Variants in PARD3B observed in about 807,000 individuals in gnomAD.
PARD3B encodes par-3 family cell polarity regulator beta.
Under a neutral mutation model 130.2 loss-of-function variants are expected in PARD3B, and 103 were observed. The ratio of observed to expected loss-of-function variants is 0.79; its 90% confidence interval spans 0.67 to 0.93. PARD3B has a LOEUF of 0.93. PARD3B is among the 40% of genes least tolerant of loss of function. The pLI is 0.00. For synonymous variants in PARD3B, 583 were observed against 553.2 expected (o/e 1.05, Z -0.76); for missense variants, 1,609 against 1,499.2 (o/e 1.07, Z -1.21).
chr2:204,938,271 C>T (rs1057496875), intron 2 of PARD3B, among the ~76,000 whole-genome samples: 1 of 152,236 alleles, frequency 6.6e-6, no homozygotes, highest in Non-Finnish European at 1.5e-5. Context: ...CTGTGGGCCA[C>T]TGAGTTCTGG....
chr2:204,736,023 C>T (rs1233894848), intron 2 of PARD3B, among the ~76,000 whole-genome samples: 8 of 152,142 alleles, frequency 5.3e-5, no homozygotes, highest in South Asian at 2.1e-4. Flanking sequence ...AGTTTACCCC[C>T]GGAAACTCTT....
At chr2:204,859,850 A>G (rs1444296220) in intron 2 of PARD3B, among the ~76,000 whole-genome samples, 1 of 152,176 alleles carries the variant, frequency 6.6e-6, no homozygotes, top group Non-Finnish European at 1.5e-5. Context: ...TAGGGAGGAT[A>G]TTAATGGAAC....
intron 1 of PARD3B, among the ~76,000 whole-genome samples, chr2:204,567,911 G>A (rs899156905): frequency 1.3e-5 from 2 of 152,118 alleles, no homozygotes; most frequent in Non-Finnish European, 2.9e-5. Flanking sequence ...GGTGTGAAGT[G>A]TCTAATCTCT....
chr2:205,044,441 A>G (rs372632387), intron 3 of PARD3B, among the ~76,000 whole-genome samples: 2 of 148,310 alleles, frequency 1.3e-5, no homozygotes, highest in Non-Finnish European at 3.0e-5. Flanking sequence ...AAGTGTTCCT[A>G]TTTCTCCACA....
intron 2 of PARD3B, among the ~76,000 whole-genome samples, chr2:204,772,768 C>T (rs1482643054): frequency 6.6e-6 from 1 of 151,998 alleles, no homozygotes; most frequent in East Asian, 1.9e-4. Flanking sequence ...TGAAATGCAA[C>T]AAATGGAAAA....
At chr2:204,764,673 C>A (rs910446415) in intron 2 of PARD3B, among the ~76,000 whole-genome samples, 5 of 151,032 alleles carry the variant, frequency 3.3e-5, no homozygotes, top group African/African-American at 9.8e-5. Context: ...TTAATCTGGG[C>A]AAGTTGGCTA....
intron 2 of PARD3B, among the ~76,000 whole-genome samples, chr2:204,719,746 A>G (rs1035431030): frequency 4.6e-5 from 7 of 152,002 alleles, no homozygotes; most frequent in African/African-American, 1.7e-4. Context: ...TTTCATCATG[A>G]TATGTAAATT....
Position 205,007,038 on chromosome 2 carries a change from G to A in PARD3B, c.395-40543G>A, listed in dbSNP as rs531520470. Reference sequence around the variant, plus strand: ...GAATTCTAATCCCCATAATCCCCACGTGTTGAGGGTGGGACCTGGTGATTG... The same window carrying A: ...GAATTCTAATCCCCATAATCCCCACATGTTGAGGGTGGGACCTGGTGATTG... On this transcript the variant is annotated intron_variant, in intron 3 of 22. Transcript: ENST00000406610. 1.3e-3 allele frequency among the ~76,000 whole-genome samples: 197 copies of A among 152,184 alleles called. 1 individual carries two copies. Among genetic ancestry groups the A allele is most frequent in the African/African-American group, 4.3e-3 (180 of 41,520 alleles).
chr2:205,170,188 C>A lies in PARD3B; in HGVS notation c.1621-2023C>A, dbSNP rs530271577. ...CAGGGGATCCGCCCACCTCGGCCTC[C>A]CAGAGTGCTGGGGTTACAGGTGTGA... On this transcript the variant is annotated intron_variant, in intron 11 of 22. Coordinates refer to ENST00000406610, the MANE Select transcript of PARD3B (RefSeq NM_001302769.2). 1.4e-4 allele frequency among the ~76,000 whole-genome samples: 21 copies of A among 152,306 alleles called. No individual in the cohort carries two copies. In the South Asian group the frequency reaches 4.4e-3, roughly 32 times the overall value.
chr2:204,927,290 G>A (rs1034236697), intron 2 of PARD3B, among the ~76,000 whole-genome samples: 1 of 152,042 alleles, frequency 6.6e-6, no homozygotes, highest in Non-Finnish European at 1.5e-5. Flanking sequence ...TAAGTCATGA[G>A]GGCAAAGCCC....
intron 2 of PARD3B, among the ~76,000 whole-genome samples, chr2:204,892,244 C>G (rs1055742504): frequency 6.6e-6 from 1 of 152,058 alleles, no homozygotes; most frequent in African/African-American, 2.4e-5. Context: ...CCAGCAGGAG[C>G]AAAGGAACAC....
chr2:204,683,999 C>T (rs990636917), intron 1 of PARD3B, among the ~76,000 whole-genome samples: 4 of 152,130 alleles, frequency 2.6e-5, no homozygotes, highest in Admixed American at 1.3e-4. Flanking sequence ...GGATGTGATG[C>T]GGCAACCCCA....
chr2:204,938,318 T>C (rs1329024962), intron 2 of PARD3B, among the ~76,000 whole-genome samples: 1 of 152,230 alleles, frequency 6.6e-6, no homozygotes, highest in African/African-American at 2.4e-5. Context: ...ACAGCCACAA[T>C]GGCTTTCTAA....
chr2:205,130,408 A>G (rs2031890875), intron 10 of PARD3B, among the ~76,000 whole-genome samples: 1 of 152,138 alleles, frequency 6.6e-6, no homozygotes, highest in Non-Finnish European at 1.5e-5. Context: ...ATGTCAGATA[A>G]AGCCGTATTT....
At chr2:205,380,303 T>A (rs192120465) in intron 18 of PARD3B, among the ~76,000 whole-genome samples, 29 of 14,526 alleles carry the variant, frequency 2.0e-3, no homozygotes, top group African/African-American at 3.7e-3. Flanking sequence ...ATATTATATA[T>A]TATATAAAGA....
At chr2:205,498,167 T>A (rs553197812) in intron 20 of PARD3B, among the ~76,000 whole-genome samples, 1 of 140,510 alleles carries the variant, frequency 7.1e-6, no homozygotes, top group African/African-American at 2.7e-5. Flanking sequence ...ACCACTGCAC[T>A]CTACCCTGGG....
intron 3 of PARD3B, among the ~76,000 whole-genome samples, chr2:204,990,737 G>C (rs1693597679): frequency 6.6e-6 from 1 of 151,980 alleles, no homozygotes; most frequent in South Asian, 2.1e-4. Context: ...GATTTTAATA[G>C]AGTCAACATT....
chr2:205,023,960 T>C (rs532266844), intron 3 of PARD3B, among the ~76,000 whole-genome samples: 1 of 152,170 alleles, frequency 6.6e-6, no homozygotes, highest in East Asian at 1.9e-4. Flanking sequence ...ATATACTAGG[T>C]GTGTGGTGAG....
chr2:205,082,058 C>A (rs1486886770), intron 4 of PARD3B, among the ~76,000 whole-genome samples: 3 of 152,028 alleles, frequency 2.0e-5, no homozygotes, highest in Admixed American at 6.6e-5. Flanking sequence ...TGCTATAGAG[C>A]CCTTTAAGTT....
Sources: gnomAD v4.1 joint callset for allele counts (sites outside exome capture counted in the v4.1 genomes callset) on GRCh38, gnomAD v4.1.1 for gene constraint, MANE v1.5 for transcripts, NCBI Gene and HGNC (gene_info 2026-07-23, HGNC 2026-07-21) for gene names.